GNG12: variants seen among roughly 807,000 people sequenced by gnomAD.
GNG12 encodes guanine nucleotide-binding protein G(I)/G(S)/G(O) subunit gamma-12.
For missense variants in GNG12, 69 were observed against 83.8 expected, an observed-to-expected ratio of 0.82 and a Z score of 0.69; for synonymous variants, 28 against 29.7, an observed-to-expected ratio of 0.94 and a Z score of 0.19.
chr1:67,748,174 G>A lies in GNG12; in HGVS notation c.-27+29284C>T, dbSNP rs77056420. ...TTCCTTTTTGTGGGGGCAGGGAAAGGAGAGAACCTAAAGGGTGGACTACAA... is the reference window on the plus strand; with the variant it reads ...TTCCTTTTTGTGGGGGCAGGGAAAGAAGAGAACCTAAAGGGTGGACTACAA... On this transcript the variant is annotated intron_variant, in intron 2 of 3. Transcript: ENST00000370982. 4.2e-3 allele frequency among the ~76,000 whole-genome samples: 641 copies of A among 152,334 alleles called. 3 individuals carry two copies. Among genetic ancestry groups the A allele is most frequent in the African/African-American group, 0.015 (612 of 41,570 alleles).
chr1:67,762,059 C>T (rs946742529), intron 2 of GNG12, among the ~76,000 whole-genome samples: 4 of 152,176 alleles, frequency 2.6e-5, no homozygotes, highest in African/African-American at 9.7e-5. Flanking sequence ...TGAGAACATA[C>T]ATTAGATATG....
At position 67,799,325 on chromosome 1, in the gene GNG12, T is replaced by C. The variant is rs533679104; in HGVS notation, c.-76-21818A>G. 2.6e-5 allele frequency among the ~76,000 whole-genome samples: 4 copies of C among 152,370 alleles called. No individual in the cohort carries two copies. The East Asian group carries it at 7.7e-4, about 29-fold the overall frequency. ...CCTTTTAAGAAGGGGCTATAAGGCATGGCAGACACGTTTATTTGTCTCTCC... is the reference window on the plus strand; with the variant it reads ...CCTTTTAAGAAGGGGCTATAAGGCACGGCAGACACGTTTATTTGTCTCTCC... On this transcript the variant is annotated intron_variant, in intron 1 of 3. Coordinates refer to ENST00000370982, the MANE Select transcript of GNG12 (RefSeq NM_018841.6).
chr1:67,729,816 G>C (rs568677902), intron 2 of GNG12, among the ~76,000 whole-genome samples: 18 of 152,190 alleles, frequency 1.2e-4, no homozygotes, highest in South Asian at 2.1e-4. Flanking sequence ...GGCTTCCTGA[G>C]ATAATTTGAA....
At position 67,705,490 on chromosome 1, in the gene GNG12, T is replaced by C; in HGVS notation, c.180A>G (p.Glu60=). 1 of 1,614,192 alleles carries C rather than the reference T, an allele frequency of 6.2e-7. No individual in the cohort carries two copies. Among genetic ancestry groups the C allele is most frequent in the Non-Finnish European group, 8.5e-7 (1 of 1,180,020 alleles). The change falls in exon 4 of 4, where the codon GAA becomes GAG. Residue 60 remains glutamate (E), a synonymous_variant. Transcript: ENST00000370982. ...DPLLIGIPTS[E]NPFKDKKTCI... ...AAGTTTTTTTATCCTTGAAAGGGTTTTCTGAAGTTGGTATTCCTATCAGCA... is the reference window on the plus strand; with the variant it reads ...AAGTTTTTTTATCCTTGAAAGGGTTCTCTGAAGTTGGTATTCCTATCAGCA...
chr1:67,702,323 A>C lies in GNG12; in HGVS notation c.*3128T>G, dbSNP rs1043091759. 4 of 152,242 alleles carry C rather than the reference A, an allele frequency of 2.6e-5. No homozygotes were observed. The highest frequency in any genetic ancestry group is 6.5e-5 in the Admixed American group (1 of 15,288). 9.4% of individuals were successfully genotyped at this position (152,242 alleles called of 1,614,324 possible). On this transcript the variant is annotated 3_prime_UTR_variant, in exon 4 of 4. Transcript: ENST00000370982. ...GGGCCTATATAGATCTTACATCAAA[A>C]TTCAGAGGAATTAGTCAGATAACAC... is the stretch of plus-strand genomic sequence containing the variant.
chr1:67,774,343 AT>A (rs1278729131), intron 2 of GNG12, among the ~76,000 whole-genome samples: 1 of 151,994 alleles, frequency 6.6e-6, no homozygotes, highest in African/African-American at 2.4e-5. Flanking sequence ...TCCCTTACTT[AT>A]TTTTCTTAAT....
chr1:67,812,047 A>G (rs1272131563), intron 1 of GNG12, among the ~76,000 whole-genome samples: 1 of 152,196 alleles, frequency 6.6e-6, no homozygotes, highest in East Asian at 1.9e-4. Context: ...GTTTCCAGAT[A>G]AACAGCTGAC....
intron 1 of GNG12, among the ~76,000 whole-genome samples, chr1:67,829,801 A>G (rs1647032678): frequency 6.6e-6 from 1 of 152,238 alleles, no homozygotes; most frequent in African/African-American, 2.4e-5. Context: ...ATAGGCAAGA[A>G]ACAATTAATA....
chr1:67,823,705 C>A (rs1387462706), intron 1 of GNG12, among the ~76,000 whole-genome samples: 1 of 152,200 alleles, frequency 6.6e-6, no homozygotes, highest in Non-Finnish European at 1.5e-5. Flanking sequence ...CCGGGACATC[C>A]AATACATTCC....
chr1:67,774,172 G>A (rs1342717595), intron 2 of GNG12, among the ~76,000 whole-genome samples: 2 of 152,096 alleles, frequency 1.3e-5, no homozygotes, highest in Non-Finnish European at 2.9e-5. Flanking sequence ...TCCAGCCACC[G>A]TAAGTCATCA....
intron 2 of GNG12, among the ~76,000 whole-genome samples, chr1:67,743,718 C>T (rs1410123345): frequency 1.3e-5 from 2 of 152,164 alleles, no homozygotes; most frequent in Non-Finnish European, 2.9e-5. Context: ...TTAATTTAGG[C>T]TGCTGTAATG....
chr1:67,741,015 G>T (rs940986492), intron 2 of GNG12, among the ~76,000 whole-genome samples: 2 of 151,850 alleles, frequency 1.3e-5, no homozygotes, highest in Admixed American at 6.6e-5. Context: ...CCAAACTAAA[G>T]AATAAAACTA....
At chr1:67,809,236 C>G (rs991459589) in intron 1 of GNG12, among the ~76,000 whole-genome samples, 9 of 151,600 alleles carry the variant, frequency 5.9e-5, no homozygotes, top group African/African-American at 9.7e-5. Context: ...CCTGCCCCCA[C>G]CAAAAAAGAA....
rs907688146 is a variant in GNG12 at position 67,702,350 on chromosome 1, A to G, written c.*3101T>C. 6.6e-6 allele frequency: 1 copy of G among 152,218 alleles called. No individual in the cohort carries two copies. Among genetic ancestry groups the G allele is most frequent in the Non-Finnish European group, 1.5e-5 (1 of 68,042 alleles). The allele number at this position is 152,218 out of a possible 1,614,324, so 9.4% of individuals were successfully genotyped here. A position where few individuals can be genotyped will look rare whatever the true frequency, so the allele number is the denominator to read the frequency against. ...TCAGAGGAATTAGTCAGATAACACT[A>G]TTTTAGTTATAAATTGAGAAGGTGG... On this transcript the variant is annotated 3_prime_UTR_variant, in exon 4 of 4. Coordinates refer to ENST00000370982, the MANE Select transcript of GNG12 (RefSeq NM_018841.6).
intron 2 of GNG12, among the ~76,000 whole-genome samples, chr1:67,757,038 G>T (rs1646573946): frequency 6.6e-6 from 1 of 152,176 alleles, no homozygotes; most frequent in Non-Finnish European, 1.5e-5. Flanking sequence ...TATTCAAAAT[G>T]CTTGTCACCA....
intron 2 of GNG12, among the ~76,000 whole-genome samples, chr1:67,736,370 C>T (rs1261338195): frequency 1.3e-5 from 2 of 152,242 alleles, no homozygotes; most frequent in African/African-American, 2.4e-5. Flanking sequence ...CTGATGCTAA[C>T]GTGGACGCCA....
chr1:67,770,993 G>A (rs1029381239), intron 2 of GNG12, among the ~76,000 whole-genome samples: 2 of 152,110 alleles, frequency 1.3e-5, no homozygotes, highest in Non-Finnish European at 2.9e-5. Flanking sequence ...CTGAGAGAGA[G>A]TGAGTGAGAG....
intron 2 of GNG12, among the ~76,000 whole-genome samples, chr1:67,738,671 G>C (rs889030029): frequency 6.6e-6 from 1 of 152,210 alleles, no homozygotes; most frequent in Admixed American, 6.5e-5. Flanking sequence ...GAGACCAGGA[G>C]TTTGAGACAT....
At chr1:67,718,036 T>C (rs934311071) in intron 2 of GNG12, among the ~76,000 whole-genome samples, 5 of 152,216 alleles carry the variant, frequency 3.3e-5, no homozygotes, top group African/African-American at 7.2e-5. Context: ...CATGCACTGG[T>C]CCTCAGGAAA....
Sources: gnomAD v4.1 joint callset for allele counts (sites outside exome capture counted in the v4.1 genomes callset) on GRCh38, gnomAD v4.1.1 for gene constraint, MANE v1.5 for transcripts, NCBI Gene and HGNC (gene_info 2026-07-23, HGNC 2026-07-21) for gene names.